Variants in RBMS3 observed in about 807,000 individuals in gnomAD.
The protein encoded by RBMS3 is RNA binding motif single stranded interacting protein 3, also known as RNA-binding motif, single-stranded-interacting protein 3.
A neutral mutation model predicts 66.8 loss-of-function variants in RBMS3; 27 were observed. The ratio of observed to expected loss-of-function variants is 0.40; its 90% CI spans 0.30 to 0.56. RBMS3 has a LOEUF of 0.56. RBMS3 is among the 20% of genes least tolerant of loss of function. The probability of loss-of-function intolerance (pLI) is 0.40; values close to 1 mark genes in which losing one functional copy is unlikely to be tolerated. For missense variants in RBMS3, 513 were observed against 549.5 expected (o/e 0.93, Z 0.66); for synonymous variants, 188 against 183.0 (o/e 1.03, Z -0.22).
intron 12 of RBMS3, 70 bp from the exon 13 acceptor site, chr3:29,988,073 G>A: frequency 1.6e-6 from 2 of 1,259,426 alleles, no homozygotes; most frequent in Non-Finnish European, 2.3e-6. Context: ...GCAGTCTCCT[G>A]TGGTATTTAA....
chr3:29,438,608 C>G (rs1039570460), intron 2 of RBMS3, among the ~76,000 whole-genome samples: 1 of 152,110 alleles, frequency 6.6e-6, no homozygotes, highest in Non-Finnish European at 1.5e-5. Flanking sequence ...AATGATTTTA[C>G]TCTATGGAAA....
At chr3:30,001,709 G>C (rs568036123) in intron 14 of RBMS3, among the ~76,000 whole-genome samples, 1 of 151,576 alleles carries the variant, frequency 6.6e-6, no homozygotes. Context: ...CTGTTTTACC[G>C]TTTGCAATTG....
At chr3:29,324,755 C>T (rs867397523) in intron 1 of RBMS3, among the ~76,000 whole-genome samples, 8 of 152,212 alleles carry the variant, frequency 5.3e-5, no homozygotes, top group Middle Eastern at 6.8e-3. Flanking sequence ...TTCCTTCTCT[C>T]CTTTTTCTTT....
chr3:29,974,994 ACG>A (rs1182356146), intron 12 of RBMS3, among the ~76,000 whole-genome samples: 1 of 127,580 alleles, frequency 7.8e-6, no homozygotes, highest in African/African-American at 3.2e-5. Flanking sequence ...TATATAAAAT[ACG>A]TTTCTATATT....
intron 6 of RBMS3, among the ~76,000 whole-genome samples, chr3:29,848,808 T>A (rs1308234098): frequency 6.6e-6 from 1 of 152,228 alleles, no homozygotes; most frequent in South Asian, 2.1e-4. Flanking sequence ...TGTAAGAGGT[T>A]TTTTTTGTTG....
At chr3:29,523,190 A>C (rs1480747342) in intron 3 of RBMS3, among the ~76,000 whole-genome samples, 1 of 151,900 alleles carries the variant, frequency 6.6e-6, no homozygotes, top group Non-Finnish European at 1.5e-5. Context: ...CCTAACCACT[A>C]CCCTCCACTG....
At chr3:29,883,261 A>G (rs1311174794) in intron 7 of RBMS3, among the ~76,000 whole-genome samples, 1 of 152,072 alleles carries the variant, frequency 6.6e-6, no homozygotes, top group Non-Finnish European at 1.5e-5. Context: ...GTCATAGCTG[A>G]GGAATGGAAA....
chr3:29,356,125 A>G (rs577486046), intron 1 of RBMS3, among the ~76,000 whole-genome samples: 3 of 152,298 alleles, frequency 2.0e-5, no homozygotes, highest in Admixed American at 1.3e-4. Flanking sequence ...ATCCAGAGAA[A>G]AGTCCTGATA....
At chr3:29,970,731 T>C (rs9857808) in intron 12 of RBMS3, among the ~76,000 whole-genome samples, 34,210 of 152,118 alleles carry the variant, frequency 0.22, 3,975 homozygotes, top group East Asian at 0.27. Context: ...TTATTTGCTC[T>C]CTTTATTCTA....
intron 12 of RBMS3, among the ~76,000 whole-genome samples, chr3:29,960,537 CTG>C (rs1196368262): frequency 6.6e-6 from 1 of 152,200 alleles, no homozygotes; most frequent in Non-Finnish European, 1.5e-5. Context: ...AGGGGGGACT[CTG>C]TGTGGGAACT....
At chr3:29,718,574 A>C (rs56179212) in intron 4 of RBMS3, among the ~76,000 whole-genome samples, 22 of 151,640 alleles carry the variant, frequency 1.5e-4, no homozygotes, top group African/African-American at 5.3e-4. Flanking sequence ...TTATTGTTCA[A>C]CTTCCATACT....
intron 4 of RBMS3, among the ~76,000 whole-genome samples, chr3:29,703,967 G>A (rs9859477): frequency 0.1 from 15,140 of 152,118 alleles, 2,463 homozygotes; most frequent in African/African-American, 0.34. Context: ...CATGAACCCT[G>A]TTGTGAACTG....
chr3:29,445,384 G>T (rs1218514980), intron 2 of RBMS3, among the ~76,000 whole-genome samples: 1 of 150,540 alleles, frequency 6.6e-6, no homozygotes, highest in Non-Finnish European at 1.5e-5. Flanking sequence ...TCAATACTTT[G>T]CTTACTCACT....
chr3:29,479,034 A>G (rs781725422), intron 2 of RBMS3, among the ~76,000 whole-genome samples: 5 of 152,184 alleles, frequency 3.3e-5, no homozygotes, highest in Non-Finnish European at 7.3e-5. Context: ...CTTATTCACT[A>G]TACATAGGGG....
At chr3:29,703,935 C>T (rs747350138) in intron 4 of RBMS3, among the ~76,000 whole-genome samples, 1 of 152,116 alleles carries the variant, frequency 6.6e-6, no homozygotes, top group Non-Finnish European at 1.5e-5. Flanking sequence ...AGATCAGTGG[C>T]ACCATTTGAT....
intron 6 of RBMS3, among the ~76,000 whole-genome samples, chr3:29,809,705 A>T (rs147045760): frequency 6.6e-6 from 1 of 152,054 alleles, no homozygotes; most frequent in Non-Finnish European, 1.5e-5. Flanking sequence ...GAATTAGGAG[A>T]AAGTACCTGT....
Position 29,500,924 on chromosome 3 carries a change from A to G in RBMS3, c.307+12425A>G, listed in dbSNP as rs1046972924. On this transcript the variant is annotated intron_variant, in intron 3 of 14. Coordinates refer to ENST00000383767, the MANE Select transcript of RBMS3 (RefSeq NM_001003793.3). ...TCAAAGAGAGTTTAAAAATTGTTAT[A>G]TAAAGATTTACCTAAAAGTTTATAT... 2.9e-4 allele frequency among the ~76,000 whole-genome samples: 44 copies of G among 152,258 alleles called. 1 individual carries two copies. The highest frequency in any genetic ancestry group is 3.4e-3 in the Middle Eastern group (1 of 294).
At chr3:29,716,709 T>C (rs1057349398) in intron 4 of RBMS3, among the ~76,000 whole-genome samples, 8 of 152,196 alleles carry the variant, frequency 5.3e-5, no homozygotes, top group Admixed American at 4.6e-4. Flanking sequence ...TTTGCTCAAG[T>C]ATTATAATGG....
chr3:29,936,178 G>C lies in RBMS3; in HGVS notation c.1032G>C (p.Ser344=), dbSNP rs201050505. 18 of 1,612,900 alleles carry C rather than the reference G, an allele frequency of 1.1e-5. No homozygotes were observed. Among genetic ancestry groups the C allele is most frequent in the Non-Finnish European group, 1.4e-5 (17 of 1,179,346 alleles). ...GPLTQQMNHL[S]LGTTGTIQSQ... is the part of the protein sequence containing the mutation. ...TGACACAGCAGATGAATCACCTTTC[G>C]TTGGGCACAACAGGAACGGTGAGTT... The change falls in exon 11 of 15, where the codon TCG becomes TCC. Residue 344 remains serine, a synonymous_variant. Transcript: ENST00000383767.
Sources: allele counts gnomAD v4.1 joint callset (sites outside exome capture counted in the v4.1 genomes callset), GRCh38; gene constraint gnomAD v4.1.1; transcripts MANE v1.5; gene names NCBI Gene and HGNC (gene_info 2026-07-23, HGNC 2026-07-21).